MBTD1: variants seen among roughly 807,000 people sequenced by gnomAD.
MBTD1 encodes mbt domain containing 1.
MBTD1 carries 24 observed loss-of-function variants against 87.8 expected under a neutral mutation model. The observed-to-expected ratio is 0.27, with a 90% CI of 0.20 to 0.38. MBTD1 has a LOEUF of 0.38. MBTD1 is among the 10% of genes least tolerant of loss of function. The pLI is 1.00. For synonymous variants in MBTD1, 237 were observed against 248.6 expected, an observed-to-expected ratio of 0.95 and a Z score of 0.44; for missense variants, 436 against 760.2, an observed-to-expected ratio of 0.57 and a Z score of 5.02.
rs2050158576 is a variant in MBTD1 at position 51,177,832 on chromosome 17, C to A, written c.*2744G>T. The A allele has an allele frequency of 6.6e-6, 1 of 152,020 alleles. No individual in the cohort carries two copies. The highest frequency in any genetic ancestry group is 6.6e-5 in the Admixed American group (1 of 15,238). The allele number at this position is 152,020 out of a possible 1,614,324, so 9.4% of individuals were successfully genotyped here. ...AAAATATGAAAATCAAAGGAAGAAACCCAGTTTAATCACAGTATTTTTAAA... is the reference window on the plus strand; with the variant it reads ...AAAATATGAAAATCAAAGGAAGAAAACCAGTTTAATCACAGTATTTTTAAA... On this transcript the variant is annotated 3_prime_UTR_variant, in exon 17 of 17. Coordinates refer to ENST00000586178, the MANE Select transcript of MBTD1 (RefSeq NM_017643.3).
At chr17:51,241,810 C>T (rs566425515) in intron 2 of MBTD1, among the ~76,000 whole-genome samples, 1 of 152,194 alleles carries the variant, frequency 6.6e-6, no homozygotes, top group Non-Finnish European at 1.5e-5. Flanking sequence ...AACTGATCTG[C>T]CCGCCTTGGC....
chr17:51,227,779 G>A (rs1023753934), intron 2 of MBTD1, among the ~76,000 whole-genome samples: 1 of 151,370 alleles, frequency 6.6e-6, no homozygotes, highest in South Asian at 2.1e-4. Flanking sequence ...GGGAAATCCC[G>A]TCTCTACTAA....
chr17:51,200,159 A>G (rs962223254), intron 12 of MBTD1, among the ~76,000 whole-genome samples: 2 of 149,140 alleles, frequency 1.3e-5, no homozygotes, highest in African/African-American at 5.1e-5. Context: ...TGAAGGTTTT[A>G]AACTGTTGAA....
intron 2 of MBTD1, among the ~76,000 whole-genome samples, chr17:51,243,827 T>G (rs2054286699): frequency 6.6e-6 from 1 of 152,124 alleles, no homozygotes; most frequent in Admixed American, 6.5e-5. Flanking sequence ...GTGTTTCGTT[T>G]GAAATTATTT....
intron 2 of MBTD1, among the ~76,000 whole-genome samples, chr17:51,233,855 A>T (rs1038636978): frequency 6.6e-6 from 1 of 152,180 alleles, no homozygotes; most frequent in Non-Finnish European, 1.5e-5. Flanking sequence ...AAGGGAATCA[A>T]AATATCAGTG....
At chr17:51,229,913 C>T (rs553301281) in intron 2 of MBTD1, among the ~76,000 whole-genome samples, 1 of 152,222 alleles carries the variant, frequency 6.6e-6, no homozygotes, top group African/African-American at 2.4e-5. Flanking sequence ...CCGTCTCGGC[C>T]TCCCAAAATG....
chr17:51,225,879 A>G (rs2053188298), intron 2 of MBTD1, among the ~76,000 whole-genome samples: 1 of 151,676 alleles, frequency 6.6e-6, no homozygotes, highest in African/African-American at 2.4e-5. Context: ...CCTGGGTTCA[A>G]GTGATTCTCC....
intron 2 of MBTD1, among the ~76,000 whole-genome samples, chr17:51,251,918 C>T (rs2054809850): frequency 6.6e-6 from 1 of 152,154 alleles, no homozygotes. Flanking sequence ...GTGTGTGCCA[C>T]AACACCTGGG....
At chr17:51,226,340 AC>A (rs1273113456) in intron 2 of MBTD1, among the ~76,000 whole-genome samples, 5 of 150,892 alleles carry the variant, frequency 3.3e-5, no homozygotes, top group Admixed American at 3.3e-4. Context: ...ACATGACGAA[AC>A]CCTGACTCTA....
At chr17:51,193,039 AAT>A in intron 14 of MBTD1, 23 bp from the exon 15 acceptor site, 1 of 1,530,184 alleles carries the variant, frequency 6.5e-7, no homozygotes, top group Non-Finnish European at 9.0e-7. Context: ...AGAAAACATT[AAT>A]ATTGGTATGA....
intron 6 of MBTD1, among the ~76,000 whole-genome samples, chr17:51,212,366 A>AG (rs1028689548): frequency 3.3e-5 from 5 of 149,266 alleles, no homozygotes; most frequent in African/African-American, 1.2e-4. Context: ...TCAAAAAAAA[A>AG]AAGAAAAGAA....
intron 6 of MBTD1, chr17:51,209,573 C>G (rs2052050166): frequency 2.2e-6 from 1 of 446,690 alleles, no homozygotes; most frequent in African/African-American, 2.0e-5. Context: ...ACTTCAAGAT[C>G]ATTCCCAGAT....
intron 2 of MBTD1, among the ~76,000 whole-genome samples, chr17:51,244,793 T>C (rs1247664455): frequency 6.6e-6 from 1 of 152,194 alleles, no homozygotes; most frequent in Non-Finnish European, 1.5e-5. Context: ...GCTCATTTTA[T>C]ACCTATGCTG....
At chr17:51,246,102 T>C (rs1197790571) in intron 2 of MBTD1, among the ~76,000 whole-genome samples, 1 of 152,218 alleles carries the variant, frequency 6.6e-6, no homozygotes, top group African/African-American at 2.4e-5. Context: ...GTTTGAGTAT[T>C]CCTCATGCAA....
intron 16 of MBTD1, chr17:51,185,538 T>C (rs75099922): frequency 0.023 from 3,540 of 152,348 alleles, 57 homozygotes; most frequent in Non-Finnish European, 0.032. Context: ...CCAAATTTGT[T>C]ATTCAACTAA....
At chr17:51,198,058 G>T (rs2051241376) in intron 12 of MBTD1, among the ~76,000 whole-genome samples, 1 of 152,132 alleles carries the variant, frequency 6.6e-6, no homozygotes, top group South Asian at 2.1e-4. Flanking sequence ...CAGTGTCTCG[G>T]TCCAGCATTT....
rs17574235 is a variant in MBTD1, at chr17:51,203,772, G to C, written c.739+19C>G. 4.0e-4 allele frequency: 636 copies of C among 1,597,520 alleles called. No individual in the cohort carries two copies. Among genetic ancestry groups the C allele is most frequent in the Non-Finnish European group, 3.6e-4 (425 of 1,174,880 alleles). ...TACACATATAAAAAAATTACGGTAAGGGTAAATAAACTACTTACTTCTAGG... is the reference window on the plus strand; with the variant it reads ...TACACATATAAAAAAATTACGGTAACGGTAAATAAACTACTTACTTCTAGG... On this transcript the variant is annotated intron_variant, in intron 8 of 16. Coordinates refer to ENST00000586178, the MANE Select transcript of MBTD1 (RefSeq NM_017643.3).
chr17:51,192,614 A>C, intron 15 of MBTD1, 168 bp downstream of exon 15: 1 of 1,225,324 alleles, frequency 8.2e-7, no homozygotes, highest in Non-Finnish European at 1.1e-6. Context: ...CATGGGACAC[A>C]TGGTCTGATT....
chr17:51,222,683 C>T (rs1357474899), intron 3 of MBTD1, among the ~76,000 whole-genome samples: 5 of 152,096 alleles, frequency 3.3e-5, no homozygotes, highest in Admixed American at 1.3e-4. Context: ...CAGGTGTGAG[C>T]CACCAACGCC....
Sources: allele counts gnomAD v4.1 joint callset (sites outside exome capture counted in the v4.1 genomes callset), GRCh38; gene constraint gnomAD v4.1.1; transcripts MANE v1.5; gene names NCBI Gene and HGNC (gene_info 2026-07-23, HGNC 2026-07-21).